The following LMX1B variants were observed in gnomAD, a reference collection of about 807,000 sequenced individuals.
LMX1B encodes the protein LIM homeobox transcription factor 1-beta.
Under a neutral mutation model 51.4 loss-of-function variants are expected in LMX1B, and 12 were observed. The observed-to-expected ratio is 0.23, with a 90% confidence interval of 0.15 to 0.38. The LOEUF is 0.38. LMX1B is among the 10% of genes least tolerant of loss of function. The pLI, the probability that LMX1B is intolerant of heterozygous loss-of-function variation, is 1.00. For missense variants in LMX1B, 445 were observed against 571.1 expected, an observed-to-expected ratio of 0.78 and a Z score of 2.25; for synonymous variants, 237 against 235.4, an observed-to-expected ratio of 1.01 and a Z score of -0.06.
At chr9:126,652,296 A>AGG (rs3841407) in intron 2 of LMX1B, among the ~76,000 whole-genome samples, 23,386 of 119,022 alleles carry the variant, frequency 0.2, 2,415 homozygotes, top group East Asian at 0.44. Context: ...GAGGAGGAGA[A>AGG]GGGGGGGGGG....
At chr9:126,655,205 G>T (rs1322558339) in intron 2 of LMX1B, among the ~76,000 whole-genome samples, 3 of 152,254 alleles carry the variant, frequency 2.0e-5, no homozygotes, top group African/African-American at 7.2e-5. Flanking sequence ...ACTGTCAGGA[G>T]GTTGTCCGCA....
intron 2 of LMX1B, among the ~76,000 whole-genome samples, chr9:126,679,301 G>T (rs1836628179): frequency 6.6e-6 from 1 of 152,102 alleles, no homozygotes; most frequent in Non-Finnish European, 1.5e-5. Context: ...ATGGATGTTT[G>T]TATGGATAGC....
intron 2 of LMX1B, among the ~76,000 whole-genome samples, chr9:126,674,211 C>T (rs1343996996): frequency 6.6e-6 from 1 of 152,128 alleles, no homozygotes; most frequent in Non-Finnish European, 1.5e-5. Flanking sequence ...AGGGGGTCTT[C>T]CCCAGTGGTG....
At position 126,693,744 on chromosome 9, in the gene LMX1B, A is replaced by G; in HGVS notation, c.820-2A>G. ...CCGGCCTGAACTGCGCTCTCCCTGC[A>G]GATGAAGAAGCTGGCGCGGCGGCAC... On this transcript the variant is annotated splice_acceptor_variant, in intron 5 of 7. Transcript: ENST00000373474. LOFTEE classifies it high-confidence loss of function. 6.4e-7 allele frequency: 1 copy of G among 1,560,580 alleles called. No homozygotes were observed. The highest frequency in any genetic ancestry group is 8.7e-7 in the Non-Finnish European group (1 of 1,153,720).
At chr9:126,661,255 C>T (rs7869161) in intron 2 of LMX1B, among the ~76,000 whole-genome samples, 38,474 of 125,782 alleles carry the variant, frequency 0.31, 6,476 homozygotes, top group Non-Finnish European at 0.34. Flanking sequence ...GGGCGACCTC[C>T]CAGGCCAGCG....
At chr9:126,686,827 TC>T (rs2029911306) in intron 2 of LMX1B, among the ~76,000 whole-genome samples, 1 of 152,224 alleles carries the variant, frequency 6.6e-6, no homozygotes. Context: ...AACAGCATCT[TC>T]CTTTGAGGGT....
At chr9:126,622,407 C>T (rs2118840638) in intron 2 of LMX1B, among the ~76,000 whole-genome samples, 1 of 152,282 alleles carries the variant, frequency 6.6e-6, no homozygotes, top group Non-Finnish European at 1.5e-5. Flanking sequence ...AACAGCGATG[C>T]CCACTGGGGC....
chr9:126,627,663 C>T (rs1242927578), intron 2 of LMX1B, among the ~76,000 whole-genome samples: 1 of 152,092 alleles, frequency 6.6e-6, no homozygotes, highest in Admixed American at 6.5e-5. Context: ...TGGCCTTCTG[C>T]GTGGCCTCCA....
rs554413266 is a variant in LMX1B, at chr9:126,618,988, G to T, written c.326+3419G>T. Among the ~76,000 whole-genome samples, 1 of 152,050 alleles carries T rather than the reference G, an allele frequency of 6.6e-6. No homozygotes were observed. The highest frequency in any genetic ancestry group is 1.5e-5 in the Non-Finnish European group (1 of 67,948). ...GCGGGGCCGCGGCGTCCTTCCGCCC[G>T]CAGGGCCTGCCCGGGCGGCCGAGCC... On this transcript the variant is annotated intron_variant, in intron 2 of 7. Coordinates refer to ENST00000373474, the MANE Select transcript of LMX1B (RefSeq NM_001174147.2). The surrounding 1 kb of genome is among the most constrained non-coding windows in gnomAD (Gnocchi z 4.5).
At chr9:126,627,190 G>A (rs1031154678) in intron 2 of LMX1B, among the ~76,000 whole-genome samples, 26 of 152,046 alleles carry the variant, frequency 1.7e-4, no homozygotes, top group African/African-American at 6.3e-4. Flanking sequence ...GAGACCCCCC[G>A]GTCTCCTCCC....
At chr9:126,621,246 G>A (rs1372538530) in intron 2 of LMX1B, among the ~76,000 whole-genome samples, 1 of 152,238 alleles carries the variant, frequency 6.6e-6, no homozygotes, top group African/African-American at 2.4e-5. Flanking sequence ...GAGGAAGGGA[G>A]GGATAGTCTA....
intron 3 of LMX1B, among the ~76,000 whole-genome samples, chr9:126,692,013 G>A (rs2030150054): frequency 2.6e-5 from 4 of 152,236 alleles, no homozygotes. Flanking sequence ...GGAACAGTGG[G>A]GAAGGACTGG....
intron 2 of LMX1B, among the ~76,000 whole-genome samples, chr9:126,645,118 T>A (rs552217384): frequency 2.5e-3 from 383 of 152,216 alleles, no homozygotes; most frequent in African/African-American, 8.8e-3. Context: ...GTTCCCCCCC[T>A]ACCACCCACC....
At chr9:126,689,496 GT>G (rs2030036318) in intron 2 of LMX1B, among the ~76,000 whole-genome samples, 1 of 152,244 alleles carries the variant, frequency 6.6e-6, no homozygotes, top group African/African-American at 2.4e-5. Flanking sequence ...ATGAAAAATG[GT>G]TTTAATTCCC....
intron 2 of LMX1B, among the ~76,000 whole-genome samples, chr9:126,624,581 C>T (rs62578127): frequency 0.28 from 42,718 of 152,034 alleles, 6,894 homozygotes; most frequent in Middle Eastern, 0.42. Flanking sequence ...GCCGAGTTCC[C>T]GGCGCGGATG....
chr9:126,617,930 T>G (rs1588260095), intron 2 of LMX1B, among the ~76,000 whole-genome samples: 3 of 135,376 alleles, frequency 2.2e-5, no homozygotes, highest in East Asian at 2.6e-4. Flanking sequence ...GGGGGTGGGG[T>G]GATTGTTATC....
chr9:126,663,197 CGGGCGGATCACTTGA>C (rs1564159533), intron 2 of LMX1B, among the ~76,000 whole-genome samples: 1 of 102,250 alleles, frequency 9.8e-6, no homozygotes, highest in African/African-American at 3.9e-5. Flanking sequence ...GAGGTTGAGG[CGGGCGGATCACTTGA>C]GGTCAGGAGT....
intron 2 of LMX1B, among the ~76,000 whole-genome samples, chr9:126,628,499 CTCAGCTGGGT>C (rs1835574227): frequency 1.3e-5 from 2 of 152,224 alleles, no homozygotes; most frequent in African/African-American, 4.8e-5. Flanking sequence ...ACAGCCAGGT[CTCAGCTGGGT>C]TCAGGACATG....
chr9:126,690,745 C>A, intron 2 of LMX1B, 91 bp from the exon 3 acceptor site: 1 of 1,136,460 alleles, frequency 8.8e-7, no homozygotes, highest in Non-Finnish European at 1.3e-6. Flanking sequence ...GCCTGAGGGT[C>A]AGGGTGGCAA....
Sources: allele counts gnomAD v4.1 joint callset (sites outside exome capture counted in the v4.1 genomes callset), GRCh38; gene constraint gnomAD v4.1.1; non-coding constraint Gnocchi (gnomAD v3.1); transcripts MANE v1.5; gene names NCBI Gene and HGNC (gene_info 2026-07-23, HGNC 2026-07-21).